The following NFAT5 variants were observed in gnomAD, a reference collection of about 807,000 sequenced individuals.
NFAT5 encodes the protein nuclear factor of activated T-cells 5.
In NFAT5, 31 loss-of-function variants were observed where a neutral mutation model predicts 166.5. The observed-to-expected ratio is 0.19, with a 90% confidence interval of 0.14 to 0.25. NFAT5 has a LOEUF of 0.25. Ranked by LOEUF, NFAT5 falls within the 10% of genes least tolerant of loss-of-function variation. NFAT5 has a pLI of 1.00. For synonymous variants in NFAT5, 612 were observed against 639.7 expected, an observed-to-expected ratio of 0.96 and a Z score of 0.65; for missense variants, 1,449 against 1,821.8, an observed-to-expected ratio of 0.80 and a Z score of 3.72.
At chr16:69,573,271 C>G (rs545368407) in intron 2 of NFAT5, among the ~76,000 whole-genome samples, 1 of 152,048 alleles carries the variant, frequency 6.6e-6, no homozygotes, top group South Asian at 2.1e-4. Context: ...TGATATGGTA[C>G]CATCCAGAAT....
chr16:69,656,841 T>C (rs1457782779), intron 6 of NFAT5, among the ~76,000 whole-genome samples: 2 of 152,228 alleles, frequency 1.3e-5, no homozygotes, highest in South Asian at 4.1e-4. Flanking sequence ...TCTGTTGTTA[T>C]TTTCCTCTGT....
At chr16:69,669,891 CAT>C in intron 7 of NFAT5, 84 bp from the exon 8 acceptor site, 1 of 1,195,868 alleles carries the variant, frequency 8.4e-7, no homozygotes, top group Non-Finnish European at 1.2e-6. Context: ...AAAGACAACT[CAT>C]AGAACCGGAT....
At chr16:69,652,845 G>A (rs6499239) in intron 4 of NFAT5, among the ~76,000 whole-genome samples, 55,447 of 151,746 alleles carry the variant, frequency 0.37, 11,119 homozygotes, top group African/African-American at 0.53. Context: ...GAATTTATAT[G>A]TGGAATGCAT....
chr16:69,688,865 A>G (rs1345169680), intron 11 of NFAT5, among the ~76,000 whole-genome samples: 1 of 152,254 alleles, frequency 6.6e-6, no homozygotes, highest in Non-Finnish European at 1.5e-5. Context: ...GTAGTTGACT[A>G]TTACAGGATC....
intron 3 of NFAT5, among the ~76,000 whole-genome samples, chr16:69,639,694 TG>T (rs2035119214): frequency 6.6e-6 from 1 of 151,994 alleles, no homozygotes; most frequent in South Asian, 2.1e-4. Flanking sequence ...GTCTGAAAAA[TG>T]GAAAGGTTAT....
chr16:69,584,605 A>G (rs1318732642), intron 2 of NFAT5, among the ~76,000 whole-genome samples: 1 of 151,618 alleles, frequency 6.6e-6, no homozygotes, highest in Non-Finnish European at 1.5e-5. Context: ...CTTGCTATAT[A>G]TAGCAAGACA....
At chr16:69,690,833 A>G (rs1318687890) in intron 11 of NFAT5, 107 bp from the exon 12 acceptor site, 5 of 917,220 alleles carry the variant, frequency 5.5e-6, no homozygotes, top group African/African-American at 1.7e-5. Context: ...CCATTGTAGC[A>G]TCAAAAAAAT....
At chr16:69,695,932 G>A (rs1376788281) in intron 14 of NFAT5, among the ~76,000 whole-genome samples, 3 of 152,198 alleles carry the variant, frequency 2.0e-5, no homozygotes, top group Non-Finnish European at 4.4e-5. Context: ...TTAGGTGTAT[G>A]TGAAACAGAA....
chr16:69,637,499 A>G (rs995244966), intron 3 of NFAT5, among the ~76,000 whole-genome samples: 1 of 152,200 alleles, frequency 6.6e-6, no homozygotes, highest in Non-Finnish European at 1.5e-5. Context: ...ACAGTTCCAC[A>G]TGGCTGGGGA....
chr16:69,632,746 A>T (rs932356940), intron 3 of NFAT5, among the ~76,000 whole-genome samples: 1 of 152,174 alleles, frequency 6.6e-6, no homozygotes, highest in Non-Finnish European at 1.5e-5. Context: ...TATACTCTTC[A>T]TGAAATTAAA....
intron 9 of NFAT5, among the ~76,000 whole-genome samples, chr16:69,676,734 G>A (rs2036847376): frequency 6.6e-6 from 1 of 152,188 alleles, no homozygotes; most frequent in Non-Finnish European, 1.5e-5. Context: ...TAAGGTTGGG[G>A]AAGGGTTTTG....
At position 69,647,221 on chromosome 16, in the gene NFAT5, G is replaced by A; in HGVS notation, c.447G>A (p.Gln149=). The change falls in exon 4 of 15, where the codon CAG becomes CAA. Residue 149 remains glutamine, a synonymous_variant. Transcript: ENST00000349945. This position sits in a 1 kb window ranked among gnomAD's most constrained non-coding sequence, Gnocchi z 4.8. ...EKQLTSNTVQ[Q]HPSTPKRHTV... ...AGTTAACCAGTAACACAGTTCAGCAGCATCCATCAACACCGAAGAGGCACA... is the reference window on the plus strand; with the variant it reads ...AGTTAACCAGTAACACAGTTCAGCAACATCCATCAACACCGAAGAGGCACA... 1.2e-6 allele frequency: 2 copies of A among 1,614,096 alleles called. No individual in the cohort carries two copies. Among genetic ancestry groups the A allele is most frequent in the Non-Finnish European group, 1.7e-6 (2 of 1,179,970 alleles).
intron 2 of NFAT5, among the ~76,000 whole-genome samples, chr16:69,596,577 G>A (rs965747030): frequency 2.6e-5 from 4 of 152,040 alleles, no homozygotes; most frequent in African/African-American, 7.2e-5. Flanking sequence ...AATTAGCCGG[G>A]CGTGGTGGCA....
At chr16:69,603,189 C>T (rs1046331627) in intron 2 of NFAT5, among the ~76,000 whole-genome samples, 11 of 151,786 alleles carry the variant, frequency 7.2e-5, no homozygotes, top group Non-Finnish European at 1.3e-4. Flanking sequence ...TTTTATTTTC[C>T]GTCTTACACT....
chr16:69,659,261 G>A (rs971661234), intron 6 of NFAT5, among the ~76,000 whole-genome samples: 5 of 151,868 alleles, frequency 3.3e-5, no homozygotes, highest in Non-Finnish European at 5.9e-5. Flanking sequence ...GGCCAACATG[G>A]TGTAACCCCA....
At chr16:69,585,625 T>C (rs1201498998) in intron 2 of NFAT5, among the ~76,000 whole-genome samples, 1 of 152,170 alleles carries the variant, frequency 6.6e-6, no homozygotes, top group East Asian at 1.9e-4. Context: ...GGTATATAAG[T>C]ACAAGGGAAT....
chr16:69,606,051 C>G (rs1378401173), intron 2 of NFAT5, among the ~76,000 whole-genome samples: 2 of 152,096 alleles, frequency 1.3e-5, no homozygotes, highest in Non-Finnish European at 1.5e-5. Context: ...GGTACTGTAT[C>G]CTTTTACCCT....
chr16:69,608,688 C>T (rs2033547193), intron 2 of NFAT5, among the ~76,000 whole-genome samples: 2 of 151,966 alleles, frequency 1.3e-5, no homozygotes, highest in Admixed American at 1.3e-4. Flanking sequence ...AATTTCTGCT[C>T]ACTGCAAGCT....
At chr16:69,678,971 T>G (rs559013682) in intron 10 of NFAT5, among the ~76,000 whole-genome samples, 1 of 152,320 alleles carries the variant, frequency 6.6e-6, no homozygotes, top group East Asian at 1.9e-4. Context: ...GAGTCTTGTG[T>G]TGCCCAGGCT....
Sources: gnomAD v4.1 joint callset for allele counts (sites outside exome capture counted in the v4.1 genomes callset) on GRCh38, gnomAD v4.1.1 for gene constraint, Gnocchi (gnomAD v3.1) non-coding constraint, MANE v1.5 for transcripts, NCBI Gene and HGNC (gene_info 2026-07-23, HGNC 2026-07-21) for gene names.